The following ZNF365 variants were observed in gnomAD, a reference collection of about 807,000 sequenced individuals.
ZNF365 encodes protein ZNF365.
ZNF365 carries 22 observed loss-of-function variants against 35.0 expected under a neutral mutation model. The observed-to-expected ratio is 0.63, with a 90% CI of 0.45 to 0.90. ZNF365 has a LOEUF of 0.90. Among genes scored for constraint, ZNF365 ranks in the 40% least tolerant of loss-of-function variants. ZNF365 has a pLI of 0.00. For missense variants in ZNF365, 448 were observed against 500.3 expected, an observed-to-expected ratio of 0.90 and a Z score of 1.00; for synonymous variants, 188 against 196.2, an observed-to-expected ratio of 0.96 and a Z score of 0.35.
At chr10:62,477,639 A>T (rs1232938104) in intron 4 of ZNF365, among the ~76,000 whole-genome samples, 1 of 152,192 alleles carries the variant, frequency 6.6e-6, no homozygotes, top group Non-Finnish European at 1.5e-5. Context: ...GTGGCTTCCA[A>T]CATCAAAAGC....
At chr10:62,438,211 CAGAG>C (rs1840438191) in intron 3 of ZNF365, among the ~76,000 whole-genome samples, 1 of 148,536 alleles carries the variant, frequency 6.7e-6, no homozygotes, top group Non-Finnish European at 1.5e-5. Flanking sequence ...TTTTTTGAGA[CAGAG>C]TCTCACTCCA....
chr10:62,388,614 C>A, intron 3 of ZNF365, 38 bp downstream of exon 3: 1 of 1,607,840 alleles, frequency 6.2e-7, no homozygotes, highest in East Asian at 2.2e-5. Flanking sequence ...TGTAAGATCC[C>A]TGTGGTTGGT....
intron 4 of ZNF365, among the ~76,000 whole-genome samples, chr10:62,465,199 G>A (rs530974237): frequency 4.9e-4 from 74 of 152,286 alleles, no homozygotes; most frequent in African/African-American, 1.5e-3. Context: ...GGGTGCTGTC[G>A]CAACCTGGTC....
At chr10:62,387,164 A>G (rs1839539121) in intron 2 of ZNF365, among the ~76,000 whole-genome samples, 1 of 152,220 alleles carries the variant, frequency 6.6e-6, no homozygotes, top group Non-Finnish European at 1.5e-5. Context: ...TGAAGACAAT[A>G]GGGTAGAGAG....
At chr10:62,374,614 C>T (rs2132403339) in intron 1 of ZNF365, among the ~76,000 whole-genome samples, 156 bp downstream of exon 1, 1 of 152,140 alleles carries the variant, frequency 6.6e-6, no homozygotes, top group East Asian at 1.9e-4. Flanking sequence ...CATGTGCACA[C>T]GAATCCACTC....
rs1216999665 is a variant in ZNF365, at chr10:62,400,353, G to T, written c.*564G>T. 1.3e-5 allele frequency: 13 copies of T among 986,288 alleles called. No individual in the cohort carries two copies. The highest frequency in any genetic ancestry group is 1.6e-5 in the Non-Finnish European group (13 of 830,312). 61.1% of individuals were successfully genotyped at this position (986,288 alleles called of 1,614,324 possible). On this transcript the variant is annotated 3_prime_UTR_variant, in exon 5 of 5. Transcript: ENST00000395254. ...ATTTCAATTTCTGGGTTGCTCAAGG[G>T]ACTCGTTCAGTCAGACTTCAGTTCT...
At chr10:62,439,295 C>T (rs190662550) in intron 3 of ZNF365, among the ~76,000 whole-genome samples, 16 of 151,852 alleles carry the variant, frequency 1.1e-4, no homozygotes, top group Admixed American at 8.5e-4. Flanking sequence ...CATGTGTATT[C>T]CTTCATTGTG....
At chr10:62,455,304 T>C (rs373684012) in intron 3 of ZNF365, among the ~76,000 whole-genome samples, 254 of 152,288 alleles carry the variant, frequency 1.7e-3, no homozygotes, top group African/African-American at 5.9e-3. Context: ...AAGCCCCAGT[T>C]GGCTAACAAC....
intron 3 of ZNF365, among the ~76,000 whole-genome samples, chr10:62,408,194 A>T (rs575915547): frequency 3.2e-4 from 48 of 152,312 alleles, no homozygotes; most frequent in African/African-American, 1.1e-3. Context: ...TGTGGAAAGC[A>T]CATGGGAACA....
intron 4 of ZNF365, among the ~76,000 whole-genome samples, chr10:62,474,852 G>T (rs1564604262): frequency 6.6e-6 from 1 of 152,148 alleles, no homozygotes; most frequent in South Asian, 2.1e-4. Context: ...AGTTCACATG[G>T]TCTTGTCTCT....
At chr10:62,461,870 A>G (rs1840853413) in intron 4 of ZNF365, among the ~76,000 whole-genome samples, 1 of 152,230 alleles carries the variant, frequency 6.6e-6, no homozygotes, top group African/African-American at 2.4e-5. Context: ...CCCTTCGACA[A>G]TAAGCAAACC....
Position 62,399,724 on chromosome 10 carries a change from C to G in ZNF365, c.1159C>G (p.Arg387Gly), listed in dbSNP as rs528809549. The G allele has an allele frequency of 6.2e-7, 1 of 1,614,002 alleles. No individual in the cohort carries two copies. Among genetic ancestry groups the G allele is most frequent in the Non-Finnish European group, 8.5e-7 (1 of 1,179,988 alleles). The part of the protein sequence containing the change: ...PKKGELLGFG[R>G]KGNIRPKMAK... ...GAAAGGGGAGCTCCTGGGGTTTGGC[C>G]GCAAAGGCAACATCAGGCCCAAAAT... The change falls in exon 5 of 5, where the codon CGC becomes GGC. Residue 387 changes from arginine to glycine, a missense_variant. Arg to Gly is a moderately radical substitution (Grantham distance 125). Transcript: ENST00000395254.
chr10:62,380,968 C>A (rs938787893), intron 2 of ZNF365, among the ~76,000 whole-genome samples: 5 of 152,054 alleles, frequency 3.3e-5, no homozygotes, highest in Admixed American at 6.6e-5. Context: ...CTGTAATGTG[C>A]CCAGTGCTGT....
chr10:62,422,843 G>T (rs904410334), intron 3 of ZNF365, among the ~76,000 whole-genome samples: 1 of 152,104 alleles, frequency 6.6e-6, no homozygotes, highest in African/African-American at 2.4e-5. Context: ...AGATGGAAAT[G>T]AAGTTGATCT....
At chr10:62,447,167 T>C (rs1234728428) in intron 3 of ZNF365, among the ~76,000 whole-genome samples, 1 of 152,146 alleles carries the variant, frequency 6.6e-6, no homozygotes, top group African/African-American at 2.4e-5. Context: ...GGCCTTTTAA[T>C]AATTGAGTAC....
chr10:62,396,755 TTCTCTC>T (rs147517053), intron 3 of ZNF365, among the ~76,000 whole-genome samples: 67 of 150,946 alleles, frequency 4.4e-4, no homozygotes, highest in African/African-American at 1.5e-3. Flanking sequence ...CATGTATTTG[TTCTCTC>T]TCTCTCTCTC....
At chr10:62,475,064 G>C (rs906654616) in intron 4 of ZNF365, among the ~76,000 whole-genome samples, 3 of 152,210 alleles carry the variant, frequency 2.0e-5, no homozygotes, top group African/African-American at 7.2e-5. Context: ...CCAGCCTGCT[G>C]TCTTGTCCCT....
At chr10:62,452,744 AGTTTTTATTCTCTT>A (rs1840703670) in intron 3 of ZNF365, among the ~76,000 whole-genome samples, 2 of 152,372 alleles carry the variant, frequency 1.3e-5, no homozygotes, top group Admixed American at 1.3e-4. Context: ...TCTAGGAATA[AGTTTTTATTCTCTT>A]GTATCTTTGG....
At chr10:62,472,370 T>C (rs1841056504) in intron 4 of ZNF365, among the ~76,000 whole-genome samples, 2 of 152,226 alleles carry the variant, frequency 1.3e-5, no homozygotes, top group African/African-American at 4.8e-5. Context: ...GTCAAGGTCC[T>C]AAACCTGAGT....
Sources: allele counts gnomAD v4.1 joint callset (sites outside exome capture counted in the v4.1 genomes callset), GRCh38; gene constraint gnomAD v4.1.1; transcripts MANE v1.5; gene names NCBI Gene and HGNC (gene_info 2026-07-23, HGNC 2026-07-21).